Variants in ATP11A observed in about 807,000 individuals in gnomAD.
ATP11A encodes ATPase phospholipid transporting 11A, also known as phospholipid-transporting ATPase IH.
ATP11A carries 81 observed loss-of-function variants against 154.4 expected under a neutral mutation model. The ratio of observed to expected loss-of-function variants is 0.52; its 90% CI spans 0.44 to 0.63. ATP11A has a LOEUF of 0.63. Ranked by LOEUF, ATP11A falls within the 30% of genes least tolerant of loss-of-function variation. ATP11A has a pLI of 0.00. For synonymous variants in ATP11A, 623 were observed against 585.9 expected (o/e 1.06, Z -0.91); for missense variants, 1,316 against 1,474.3 (o/e 0.89, Z 1.76).
rs531749066 is a variant in ATP11A at position 112,697,727 on chromosome 13, G to GTTTT, written c.39+7295_39+7298dup. On this transcript the variant is annotated intron_variant, in intron 1 of 29. Coordinates refer to ENST00000375645, the MANE Select transcript of ATP11A (RefSeq NM_015205.3). This position sits in a 1 kb window ranked among gnomAD's most constrained non-coding sequence, Gnocchi z 4.0. ...GGATTTGTGCCACGACGCCCGGCCA[G>GTTTT]TTTTTTTTTTTTTTTTTTTTTTTTT... is the stretch of plus-strand genomic sequence containing the variant. 7.9e-6 allele frequency among the ~76,000 whole-genome samples: 1 copy of GTTTT among 126,630 alleles called. No homozygotes were observed. The highest frequency in any genetic ancestry group is 3.2e-5 in the African/African-American group (1 of 30,922). 83.1% of individuals were successfully genotyped at this position (126,630 alleles called of 152,430 possible).
At chr13:112,702,098 C>A (rs1393960589) in intron 1 of ATP11A, among the ~76,000 whole-genome samples, 1 of 152,010 alleles carries the variant, frequency 6.6e-6, no homozygotes, top group Non-Finnish European at 1.5e-5. Context: ...GTAATCCCAG[C>A]ACTTTGGGAG....
At chr13:112,869,240 C>T (rs962203287) in intron 25 of ATP11A, among the ~76,000 whole-genome samples, 5 of 152,194 alleles carry the variant, frequency 3.3e-5, no homozygotes, top group Admixed American at 6.5e-5. Context: ...AATGGGTCAG[C>T]GTTTCTCAGG....
At chr13:112,702,375 A>G (rs958270417) in intron 1 of ATP11A, among the ~76,000 whole-genome samples, 2 of 149,772 alleles carry the variant, frequency 1.3e-5, no homozygotes, top group Non-Finnish European at 1.5e-5. Context: ...AACCACTGTA[A>G]GTACAGACAC....
intron 1 of ATP11A, among the ~76,000 whole-genome samples, chr13:112,695,434 A>G (rs1885694632): frequency 6.6e-6 from 1 of 152,218 alleles, no homozygotes. Context: ...GTCTGCCCAG[A>G]TGCATAATTT....
chr13:112,777,569 A>AT (rs2077378832), intron 1 of ATP11A, among the ~76,000 whole-genome samples: 2 of 152,352 alleles, frequency 1.3e-5, no homozygotes, highest in Admixed American at 6.5e-5. Context: ...CGTCTCAAAA[A>AT]ATATATATAA....
At chr13:112,839,990 A>AC (rs564265543) in intron 16 of ATP11A, among the ~76,000 whole-genome samples, 1 of 151,752 alleles carries the variant, frequency 6.6e-6, no homozygotes, top group African/African-American at 2.4e-5. Flanking sequence ...GGGTAGTTTA[A>AC]CCCCCGGGCC....
chr13:112,707,395 A>G (rs1044471504), intron 1 of ATP11A, among the ~76,000 whole-genome samples: 2 of 150,694 alleles, frequency 1.3e-5, no homozygotes, highest in African/African-American at 4.9e-5. Flanking sequence ...AGCCTGGGCA[A>G]TAAGAGTGAA....
At chr13:112,712,656 G>A (rs1327962805) in intron 1 of ATP11A, among the ~76,000 whole-genome samples, 11 of 152,188 alleles carry the variant, frequency 7.2e-5, no homozygotes, top group African/African-American at 2.4e-4. Flanking sequence ...CTGGACCGGC[G>A]TCAGTGCCCC....
chr13:112,839,023 C>A (rs1247258896), intron 16 of ATP11A, among the ~76,000 whole-genome samples: 1 of 152,154 alleles, frequency 6.6e-6, no homozygotes, highest in Non-Finnish European at 1.5e-5. Flanking sequence ...GCAGCCCCAA[C>A]AGGGGCCTCC....
At chr13:112,872,496 A>G (rs963065453) in intron 26 of ATP11A, among the ~76,000 whole-genome samples, 1 of 152,238 alleles carries the variant, frequency 6.6e-6, no homozygotes, top group Non-Finnish European at 1.5e-5. Flanking sequence ...CTGTAATCCC[A>G]GCTACTTGGG....
intron 12 of ATP11A, among the ~76,000 whole-genome samples, chr13:112,829,976 C>G (rs1239432011): frequency 1.3e-5 from 2 of 152,136 alleles, no homozygotes; most frequent in South Asian, 2.1e-4. Context: ...TCTCTGCGTC[C>G]CGAGCTAACA....
At chr13:112,866,151 T>C (rs1377324064) in intron 25 of ATP11A, among the ~76,000 whole-genome samples, 1 of 152,222 alleles carries the variant, frequency 6.6e-6, no homozygotes, top group East Asian at 1.9e-4. Context: ...CCTCAGATAA[T>C]GACTACCAAC....
chr13:112,798,711 A>G (rs2078060885), intron 2 of ATP11A, among the ~76,000 whole-genome samples: 1 of 152,230 alleles, frequency 6.6e-6, no homozygotes, highest in African/African-American at 2.4e-5. Context: ...GTCACATCAA[A>G]TGCTTAATTA....
Position 112,838,383 on chromosome 13 carries a change from G to A in ATP11A, c.1705+2132G>A, listed in dbSNP as rs1408611066. 3.3e-5 allele frequency among the ~76,000 whole-genome samples: 5 copies of A among 152,188 alleles called. No homozygotes were observed. The highest frequency in any genetic ancestry group is 1.3e-4 in the Admixed American group (2 of 15,274). ...CCCGTGACCTGCGGGGCTGACTCAC[G>A]TGGTTTTCCCCGTAGCAGTCGAATC... On this transcript the variant is annotated intron_variant, in intron 16 of 29. Transcript: ENST00000375645. This position sits in a 1 kb window ranked among gnomAD's most constrained non-coding sequence, Gnocchi z 7.3.
At chr13:112,822,978 C>T (rs965816898) in intron 8 of ATP11A, among the ~76,000 whole-genome samples, 4 of 152,094 alleles carry the variant, frequency 2.6e-5, no homozygotes, top group Non-Finnish European at 5.9e-5. Flanking sequence ...GCTCCAGGTG[C>T]TGCTGACGGC....
Position 112,690,546 on chromosome 13 carries a change from G to T in ATP11A, c.39+91G>T. ...CGGACCCTGTGGCCGGTCCAGCCCC[G>T]GGGTCCCGGGAGGTCTCCGATGTCT... On this transcript the variant is annotated intron_variant, in intron 1 of 29. Coordinates refer to ENST00000375645, the MANE Select transcript of ATP11A (RefSeq NM_015205.3). This position sits in a 1 kb window ranked among gnomAD's most constrained non-coding sequence, Gnocchi z 5.6. The T allele has an allele frequency of 8.3e-7, 1 of 1,199,770 alleles. No individual in the cohort carries two copies. Among genetic ancestry groups the T allele is most frequent in the Non-Finnish European group, 1.0e-6 (1 of 953,608 alleles). The allele number at this position is 1,199,770 out of a possible 1,614,324, so 74.3% of individuals were successfully genotyped here.
Position 112,857,916 on chromosome 13 carries a change from C to T in ATP11A, c.2517C>T (p.Gly839=). ...DVSMILEAHV[G]IGVIGKEGRQ... Reference sequence around the variant, plus strand: ...GCATGATTCTGGAAGCGCACGTGGGCATAGGTGAGCTTCGTCCTTGCTGCT... The same window carrying T: ...GCATGATTCTGGAAGCGCACGTGGGTATAGGTGAGCTTCGTCCTTGCTGCT... Residue 839 remains glycine, a synonymous_variant, in exon 21 of 30, where the codon GGC becomes GGT. Transcript: ENST00000375645. 2 of 1,614,126 alleles carry T rather than the reference C, an allele frequency of 1.2e-6. No homozygotes were observed. The highest frequency in any genetic ancestry group is 1.3e-5 in the African/African-American group (1 of 75,060).
intron 1 of ATP11A, among the ~76,000 whole-genome samples, chr13:112,759,977 A>G (rs538047155): frequency 1.3e-5 from 2 of 152,342 alleles, no homozygotes; most frequent in Non-Finnish European, 2.9e-5. Flanking sequence ...AATTCCTGTC[A>G]TCATTAACTG....
intron 2 of ATP11A, among the ~76,000 whole-genome samples, chr13:112,788,883 T>G (rs534630492): frequency 4.7e-5 from 7 of 150,128 alleles, no homozygotes; most frequent in African/African-American, 1.7e-4. Flanking sequence ...ACGTGTAGAC[T>G]CCTATGTAGA....
Sources: gnomAD v4.1 joint callset for allele counts (sites outside exome capture counted in the v4.1 genomes callset) on GRCh38, gnomAD v4.1.1 for gene constraint, Gnocchi (gnomAD v3.1) non-coding constraint, MANE v1.5 for transcripts, NCBI Gene and HGNC (gene_info 2026-07-23, HGNC 2026-07-21) for gene names.